IQUB: variants seen among roughly 807,000 people sequenced by gnomAD.
IQUB encodes IQ motif and ubiquitin domain containing, also known as IQ motif and ubiquitin-like domain-containing protein.
Under a neutral mutation model 86.4 loss-of-function variants are expected in IQUB, and 86 were observed. That is an observed-to-expected ratio of 1.00 (90% confidence interval 0.84 to 1.19). The LOEUF is 1.19. Ranked by LOEUF, IQUB falls within the 50% of genes most tolerant of loss-of-function variation. The probability of loss-of-function intolerance (pLI) is 0.00; values close to 1 mark genes in which losing one functional copy is unlikely to be tolerated. For synonymous variants in IQUB, 289 were observed against 304.5 expected (o/e 0.95, Z 0.53); for missense variants, 946 against 916.9 (o/e 1.03, Z -0.41).
chr7:123,528,280 G>T (rs1001627683), intron 1 of IQUB, among the ~76,000 whole-genome samples: 1 of 152,294 alleles, frequency 6.6e-6, no homozygotes, highest in Non-Finnish European at 1.5e-5. Flanking sequence ...CGTCTTCTGC[G>T]TCGCTCACGC....
At chr7:123,530,368 G>A (rs189191772) in intron 1 of IQUB, among the ~76,000 whole-genome samples, 39 of 151,618 alleles carry the variant, frequency 2.6e-4, no homozygotes, top group African/African-American at 6.1e-4. Context: ...CCTGGAAGGC[G>A]GAGGTTGCAG....
intron 1 of IQUB, among the ~76,000 whole-genome samples, chr7:123,525,551 C>A (rs1164450683): frequency 6.6e-6 from 1 of 151,932 alleles, no homozygotes; most frequent in Non-Finnish European, 1.5e-5. Context: ...GGTGATATCC[C>A]CTTTATCATT....
intron 7 of IQUB, among the ~76,000 whole-genome samples, chr7:123,495,209 A>G (rs1795654878): frequency 2.0e-5 from 3 of 152,114 alleles, no homozygotes; most frequent in Admixed American, 2.0e-4. Flanking sequence ...TCTAGGGAGC[A>G]GGCTTAACAG....
intron 7 of IQUB, among the ~76,000 whole-genome samples, chr7:123,487,145 C>G (rs1253895320): frequency 6.6e-6 from 1 of 152,178 alleles, no homozygotes; most frequent in Non-Finnish European, 1.5e-5. Flanking sequence ...CTCTCTCTCT[C>G]TCTTCCACCA....
intron 3 of IQUB, among the ~76,000 whole-genome samples, chr7:123,508,510 T>C (rs901227039): frequency 6.6e-6 from 1 of 152,190 alleles, no homozygotes; most frequent in Non-Finnish European, 1.5e-5. Flanking sequence ...GAAAGCACTT[T>C]AGAGGATGCC....
intron 1 of IQUB, chr7:123,532,680 G>A (rs555898193): frequency 1.3e-5 from 2 of 152,114 alleles, no homozygotes; most frequent in Admixed American, 1.3e-4. Context: ...AGCAAGGTGC[G>A]GGACGGCGTG....
chr7:123,463,080 A>C (rs1428353714), intron 10 of IQUB, among the ~76,000 whole-genome samples: 1 of 151,748 alleles, frequency 6.6e-6, no homozygotes, highest in Non-Finnish European at 1.5e-5. Context: ...ATTAAAGAGT[A>C]TATTCCCCCC....
chr7:123,452,959 C>CA, intron 12 of IQUB, 34 bp from the exon 13 acceptor site: 1 of 1,543,786 alleles, frequency 6.5e-7, no homozygotes, highest in South Asian at 1.2e-5. Context: ...TAGTAAATAT[C>CA]ACAGATATAT....
intron 7 of IQUB, among the ~76,000 whole-genome samples, chr7:123,494,261 T>C (rs564509407): frequency 6.6e-6 from 1 of 152,216 alleles, no homozygotes; most frequent in South Asian, 2.1e-4. Context: ...TACAGCTAAG[T>C]TTATTTTCTT....
In IQUB at chr7:123,496,865, T is replaced by C. The variant is rs776506186; in HGVS notation, c.1065A>G (p.Lys355=). Residue 355 remains lysine (K), a synonymous_variant, in exon 7 of 13, where the codon AAA becomes AAG. Coordinates refer to ENST00000324698, the MANE Select transcript of IQUB (RefSeq NM_178827.5). ...IQTYYRQWHA[K]IFVENLRRQK... The stretch of plus-strand genomic sequence containing the variant: ...GTCTTCTTAAATTCTCTACGAAGAT[T>C]TTAGCATGCCATTGCCTGTAGTAAG... 16 of 1,612,390 alleles carry C rather than the reference T, an allele frequency of 9.9e-6. No homozygotes were observed. The highest frequency in any genetic ancestry group is 1.1e-5 in the Non-Finnish European group (13 of 1,179,352).
chr7:123,455,725 T>C (rs890865664), intron 12 of IQUB, among the ~76,000 whole-genome samples: 6 of 152,106 alleles, frequency 3.9e-5, no homozygotes, highest in Non-Finnish European at 7.4e-5. Flanking sequence ...TGATTCCACT[T>C]ATTTAGCTAA....
At chr7:123,454,514 T>C (rs1298586173) in intron 12 of IQUB, among the ~76,000 whole-genome samples, 1 of 152,130 alleles carries the variant, frequency 6.6e-6, no homozygotes, top group Non-Finnish European at 1.5e-5. Flanking sequence ...TAGATTATTA[T>C]ATACCTAAGA....
At chr7:123,529,128 A>G (rs1163738851) in intron 1 of IQUB, among the ~76,000 whole-genome samples, 1 of 152,192 alleles carries the variant, frequency 6.6e-6, no homozygotes, top group Non-Finnish European at 1.5e-5. Flanking sequence ...CTAACAGAAT[A>G]GAAGGGGATA....
chr7:123,500,293 G>A (rs184712549), intron 6 of IQUB, among the ~76,000 whole-genome samples: 17 of 152,036 alleles, frequency 1.1e-4, no homozygotes, highest in Admixed American at 8.5e-4. Flanking sequence ...GGTCTGGATC[G>A]GGACCACTTT....
chr7:123,482,588 T>C (rs1795055638), intron 7 of IQUB, among the ~76,000 whole-genome samples: 1 of 151,788 alleles, frequency 6.6e-6, no homozygotes, highest in African/African-American at 2.4e-5. Flanking sequence ...TATAACAATA[T>C]TAAGAAAAAA....
chr7:123,501,107 G>C (rs539249756), intron 6 of IQUB: 1 of 152,212 alleles, frequency 6.6e-6, no homozygotes, highest in South Asian at 2.1e-4. Flanking sequence ...AGAAGTCACT[G>C]GGTGGGGCTT....
rs1161245337 is a variant in IQUB at position 123,503,336 on chromosome 7, A to T, written c.560T>A (p.Leu187Gln). Residue 187 changes from leucine to glutamine, a missense_variant, in exon 4 of 13, where the codon CTA becomes CAA. Physicochemically the swap from Leu to Gln is moderately radical, Grantham distance 113. Transcript: ENST00000324698. ...SGKILKNNET[L>Q]VQHGVKPQEI... ...CTGTGGCTTAACTCCATGTTGTACT[A>T]GAGTCTCATTATTTTTAAGAATTTT... 1 of 1,542,416 alleles carries T rather than the reference A, an allele frequency of 6.5e-7. No homozygotes were observed. Among genetic ancestry groups the T allele is most frequent in the Non-Finnish European group, 8.7e-7 (1 of 1,144,664 alleles).
intron 6 of IQUB, 72 bp from the exon 7 acceptor site, chr7:123,496,978 G>T: frequency 1.1e-6 from 1 of 890,046 alleles, no homozygotes; most frequent in Non-Finnish European, 1.7e-6. Context: ...AGGCAATGAT[G>T]ATTATTTCAA....
chr7:123,527,856 C>T (rs1233104693), intron 1 of IQUB, among the ~76,000 whole-genome samples: 1 of 152,214 alleles, frequency 6.6e-6, no homozygotes, highest in Non-Finnish European at 1.5e-5. Flanking sequence ...GTTGGAGCTT[C>T]CCAGCTGCTT....
Sources: gnomAD v4.1 joint callset for allele counts (sites outside exome capture counted in the v4.1 genomes callset) on GRCh38, gnomAD v4.1.1 for gene constraint, MANE v1.5 for transcripts, NCBI Gene and HGNC (gene_info 2026-07-23, HGNC 2026-07-21) for gene names.